Variants in PJA2 observed in about 807,000 individuals in gnomAD.
PJA2 encodes E3 ubiquitin-protein ligase Praja-2.
A neutral mutation model predicts 69.3 loss-of-function variants in PJA2; 25 were observed. That is an observed-to-expected ratio of 0.36 (90% CI 0.26 to 0.50). The LOEUF (loss-of-function observed/expected upper bound fraction) is 0.50, where lower values mean the gene tolerates loss of function less well. Among genes scored for constraint, PJA2 ranks in the 20% least tolerant of loss-of-function variants. The pLI, the probability that PJA2 is intolerant of heterozygous loss-of-function variation, is 0.96. For missense variants in PJA2, 809 were observed against 830.2 expected (o/e 0.97, Z 0.31); for synonymous variants, 308 against 277.8 (o/e 1.11, Z -1.08).
chr5:109,388,829 A>C (rs1264721887), intron 1 of PJA2, among the ~76,000 whole-genome samples: 1 of 152,168 alleles, frequency 6.6e-6, no homozygotes, highest in Non-Finnish European at 1.5e-5. Context: ...TTCCTCTTAA[A>C]TCAGTCTTGT....
intron 1 of PJA2, among the ~76,000 whole-genome samples, chr5:109,391,831 AATTT>A (rs776194107): frequency 6.6e-6 from 1 of 152,212 alleles, no homozygotes; most frequent in Non-Finnish European, 1.5e-5. Context: ...AAGAAAACTA[AATTT>A]ATTACTAATA....
At chr5:109,370,733 C>T (rs1018250930) in intron 4 of PJA2, among the ~76,000 whole-genome samples, 11 of 152,100 alleles carry the variant, frequency 7.2e-5, no homozygotes, top group Non-Finnish European at 1.6e-4. Flanking sequence ...TAAGAACCTT[C>T]TAAAATTCAA....
At chr5:109,354,156 TG>T (rs1762349419) in intron 7 of PJA2, among the ~76,000 whole-genome samples, 3 of 53,568 alleles carry the variant, frequency 5.6e-5, no homozygotes, top group Non-Finnish European at 1.5e-4. Context: ...TAGATATCTA[TG>T]ATATCTAGAG....
chr5:109,372,923 A>AAAAAAAG (rs1272538036), intron 4 of PJA2, among the ~76,000 whole-genome samples: 13 of 136,776 alleles, frequency 9.5e-5, no homozygotes, highest in Non-Finnish European at 1.3e-4. Context: ...AAAAAAAAAA[A>AAAAAAAG]AAAGAAAGAA....
chr5:109,374,008 A>G (rs1370126549), intron 4 of PJA2, among the ~76,000 whole-genome samples: 1 of 152,236 alleles, frequency 6.6e-6, no homozygotes, highest in African/African-American at 2.4e-5. Flanking sequence ...AGCCTAGGAA[A>G]AAGTGAAATT....
chr5:109,346,137 C>T (rs1001804598), intron 7 of PJA2, among the ~76,000 whole-genome samples: 1 of 152,152 alleles, frequency 6.6e-6, no homozygotes, highest in Admixed American at 6.5e-5. Context: ...TTCTGAACTG[C>T]TACTGTATTC....
intron 9 of PJA2, among the ~76,000 whole-genome samples, chr5:109,342,137 G>C (rs1762079122): frequency 2.4e-5 from 3 of 123,878 alleles, no homozygotes; most frequent in African/African-American, 9.0e-5. Flanking sequence ...CGCCCCGTCC[G>C]GGAGGGAGGT....
chr5:109,383,475 T>C lies in PJA2; in HGVS notation c.-42A>G. 6.5e-7 allele frequency: 1 copy of C among 1,540,924 alleles called. No homozygotes were observed. Among genetic ancestry groups the C allele is most frequent in the East Asian group, 2.3e-5 (1 of 44,416 alleles). On this transcript the variant is annotated 5_prime_UTR_variant, in exon 2 of 10. Coordinates refer to ENST00000361189, the MANE Select transcript of PJA2 (RefSeq NM_014819.5). ...GTGACCAGTTCAGTAGAATTATAGA[T>C]GTGATTTAGTTTTTATTCACACTAT...
chr5:109,336,467 T>C lies in PJA2; in HGVS notation c.*764A>G, dbSNP rs1175103288. On this transcript the variant is annotated 3_prime_UTR_variant, in exon 10 of 10. Transcript: ENST00000361189. ...ATAATTTTAACCAAGGAGAAACAGGTTGGGTAAGAGGTTAGAAAGAGTTTC... is the reference window on the plus strand; with the variant it reads ...ATAATTTTAACCAAGGAGAAACAGGCTGGGTAAGAGGTTAGAAAGAGTTTC... 2 of 152,086 alleles carry C rather than the reference T, an allele frequency of 1.3e-5. No homozygotes were observed. The highest frequency in any genetic ancestry group is 4.2e-4 in the South Asian group (2 of 4,818). 9.4% of individuals were successfully genotyped at this position (152,086 alleles called of 1,614,324 possible).
intron 7 of PJA2, among the ~76,000 whole-genome samples, chr5:109,345,386 G>A (rs1223240236): frequency 2.7e-5 from 4 of 150,366 alleles, no homozygotes; most frequent in Middle Eastern, 3.2e-3. Context: ...TCGTGGTAGT[G>A]TGTGCCTATA....
intron 7 of PJA2, among the ~76,000 whole-genome samples, chr5:109,346,578 G>C (rs188833547): frequency 6.6e-6 from 1 of 152,330 alleles, no homozygotes; most frequent in East Asian, 1.9e-4. Context: ...ACTCCGCCTT[G>C]AAAAGGAAGG....
chr5:109,344,129 TA>T, intron 9 of PJA2, 60 bp downstream of exon 9: 1 of 1,034,080 alleles, frequency 9.7e-7, no homozygotes, highest in Non-Finnish European at 1.3e-6. Flanking sequence ...AAGATACTAT[TA>T]TTCACTTGCA....
chr5:109,379,803 G>C (rs1377590401), intron 3 of PJA2, among the ~76,000 whole-genome samples: 1 of 152,060 alleles, frequency 6.6e-6, no homozygotes, highest in Non-Finnish European at 1.5e-5. Context: ...TTGAATTGTT[G>C]TAATACATTT....
intron 1 of PJA2, among the ~76,000 whole-genome samples, chr5:109,384,606 T>C (rs1247608898): frequency 2.0e-5 from 3 of 152,198 alleles, no homozygotes; most frequent in Admixed American, 2.0e-4. Flanking sequence ...AATTTATATG[T>C]TACCTGTCTA....
chr5:109,345,529 A>AG (rs1762159259), intron 7 of PJA2, among the ~76,000 whole-genome samples: 1 of 151,730 alleles, frequency 6.6e-6, no homozygotes, highest in Non-Finnish European at 1.5e-5. Flanking sequence ...AAAAAAAAAA[A>AG]AAAAACTACC....
chr5:109,377,710 G>T (rs1460096765), intron 4 of PJA2, among the ~76,000 whole-genome samples: 1 of 151,980 alleles, frequency 6.6e-6, no homozygotes, highest in Non-Finnish European at 1.5e-5. Flanking sequence ...AATGAGAATT[G>T]AATGCTAAGA....
At chr5:109,369,990 C>T (rs1762649307) in intron 4 of PJA2, among the ~76,000 whole-genome samples, 1 of 148,748 alleles carries the variant, frequency 6.7e-6, no homozygotes, top group Admixed American at 6.7e-5. Flanking sequence ...AGAGATTGTG[C>T]CATCGCACTC....
chr5:109,361,064 G>A (rs1166531036), intron 6 of PJA2, among the ~76,000 whole-genome samples: 1 of 151,742 alleles, frequency 6.6e-6, no homozygotes, highest in African/African-American at 2.4e-5. Context: ...GGAGGCAGAA[G>A]TTGCAGTGAG....
intron 5 of PJA2, among the ~76,000 whole-genome samples, chr5:109,365,831 T>C (rs893814674): frequency 6.6e-6 from 1 of 152,200 alleles, no homozygotes; most frequent in African/African-American, 2.4e-5. Flanking sequence ...AGTCACACAG[T>C]TGTTTGTATA....
Sources: gnomAD v4.1 joint callset for allele counts (sites outside exome capture counted in the v4.1 genomes callset) on GRCh38, gnomAD v4.1.1 for gene constraint, MANE v1.5 for transcripts, NCBI Gene and HGNC (gene_info 2026-07-23, HGNC 2026-07-21) for gene names.